CEP85L: variants seen among roughly 807,000 people sequenced by gnomAD.
CEP85L encodes centrosomal protein 85L.
CEP85L carries 60 observed loss-of-function variants against 100.3 expected under a neutral mutation model. The observed-to-expected ratio is 0.60, with a 90% CI of 0.49 to 0.74. The LOEUF (loss-of-function observed/expected upper bound fraction) is 0.74. CEP85L is among the 30% of genes least tolerant of loss of function. The probability of loss-of-function intolerance (pLI) is 0.00; values close to 1 mark genes in which losing one functional copy is unlikely to be tolerated. For synonymous variants in CEP85L, 319 were observed against 322.7 expected (o/e 0.99, Z 0.12); for missense variants, 973 against 936.2 (o/e 1.04, Z -0.51).
At chr6:118,666,297 C>T (rs1776132074) in intron 1 of CEP85L, among the ~76,000 whole-genome samples, 1 of 152,076 alleles carries the variant, frequency 6.6e-6, no homozygotes, top group African/African-American at 2.4e-5. Flanking sequence ...CTTAAGAGTC[C>T]TAGAAATCAG....
rs1383423305 is a variant in CEP85L at position 118,463,547 on chromosome 6, C to A, written c.*1858G>T. 4 of 151,962 alleles carry A rather than the reference C, an allele frequency of 2.6e-5. No individual in the cohort carries two copies. The highest frequency in any genetic ancestry group is 5.9e-5 in the Non-Finnish European group (4 of 67,922). The allele number at this position is 151,962 out of a possible 1,614,324, so 9.4% of individuals were successfully genotyped here. A position where few individuals can be genotyped will look rare whatever the true frequency, so the allele number is the denominator to read the frequency against. On this transcript the variant is annotated 3_prime_UTR_variant, in exon 13 of 13. Transcript: ENST00000368491. ...ACATTTTTGGTGGAAATTTACTATA[C>A]CCTGATTATCGTCAAGCTACTAATG...
At chr6:118,673,630 C>T (rs1279125140) in intron 1 of CEP85L, among the ~76,000 whole-genome samples, 2 of 152,168 alleles carry the variant, frequency 1.3e-5, no homozygotes, top group Admixed American at 6.5e-5. Flanking sequence ...CTTGGAATGC[C>T]GATTTATTAA....
At chr6:118,614,869 T>C (rs7761131) in intron 2 of CEP85L, among the ~76,000 whole-genome samples, 56,027 of 121,454 alleles carry the variant, frequency 0.46, 10,866 homozygotes, top group Non-Finnish European at 0.5. Flanking sequence ...GACAGACAGA[T>C]AGATAGATAG....
At chr6:118,682,238 G>A (rs1776688704) in intron 1 of CEP85L, among the ~76,000 whole-genome samples, 1 of 151,994 alleles carries the variant, frequency 6.6e-6, no homozygotes, top group African/African-American at 2.4e-5. Flanking sequence ...ATTAGTCTTA[G>A]AAAAACAATC....
At chr6:118,575,484 C>T (rs1780170096) in intron 2 of CEP85L, among the ~76,000 whole-genome samples, 1 of 152,160 alleles carries the variant, frequency 6.6e-6, no homozygotes, top group Admixed American at 6.5e-5. Flanking sequence ...GCCTGTCATC[C>T]TATATCCCCT....
At chr6:118,557,224 G>A (rs1371907939) in intron 3 of CEP85L, among the ~76,000 whole-genome samples, 1 of 152,016 alleles carries the variant, frequency 6.6e-6, no homozygotes, top group African/African-American at 2.4e-5. Flanking sequence ...TTTTATTTTA[G>A]ATTAAAATTA....
Position 118,551,067 on chromosome 6 carries a change from C to T in CEP85L, c.1020+14462G>A, listed in dbSNP as rs187823666. Among the ~76,000 whole-genome samples the T allele has an allele frequency of 5.3e-5, 8 of 151,958 alleles. No homozygotes were observed. The East Asian group carries it at 1.5e-3, about 29-fold the overall frequency. On this transcript the variant is annotated intron_variant, in intron 3 of 12. Transcript: ENST00000368491. The stretch of plus-strand genomic sequence containing the variant: ...TGCTAAAATACTCATGCCTTCAATT[C>T]ATCTGATACCTAAAATCCAAGTTAA...
At chr6:118,559,180 T>C (rs1296523798) in intron 3 of CEP85L, 2 of 878,044 alleles carry the variant, frequency 2.3e-6, no homozygotes, top group Non-Finnish European at 3.9e-6. Context: ...GACCACTTCC[T>C]GAGTAGAAGA....
intron 5 of CEP85L, among the ~76,000 whole-genome samples, chr6:118,498,060 C>T (rs1775032598): frequency 6.6e-6 from 1 of 152,124 alleles, no homozygotes. Context: ...ACTTCATTAC[C>T]TTCAGGTGGT....
At chr6:118,514,121 A>G (rs1349490572) in intron 4 of CEP85L, among the ~76,000 whole-genome samples, 1 of 152,220 alleles carries the variant, frequency 6.6e-6, no homozygotes, top group African/African-American at 2.4e-5. Context: ...CATTATAACA[A>G]TAGAGGTATA....
At chr6:118,514,193 A>G (rs1776344873) in intron 4 of CEP85L, among the ~76,000 whole-genome samples, 1 of 152,174 alleles carries the variant, frequency 6.6e-6, no homozygotes, top group African/African-American at 2.4e-5. Context: ...ATTCAAGAGA[A>G]GGCAAAGGGG....
At chr6:118,566,730 T>C (rs1312685195) in intron 2 of CEP85L, among the ~76,000 whole-genome samples, 1 of 152,168 alleles carries the variant, frequency 6.6e-6, no homozygotes, top group Non-Finnish European at 1.5e-5. Context: ...AGCACAAGCT[T>C]TTCAAAAAGA....
chr6:118,638,472 A>G (rs1774656135), intron 1 of CEP85L, among the ~76,000 whole-genome samples: 1 of 151,698 alleles, frequency 6.6e-6, no homozygotes, highest in East Asian at 1.9e-4. Flanking sequence ...GAAGAAGTAC[A>G]TGTGAAATAT....
intron 2 of CEP85L, among the ~76,000 whole-genome samples, chr6:118,585,360 C>T (rs1377100844): frequency 6.6e-6 from 1 of 152,120 alleles, no homozygotes; most frequent in East Asian, 1.9e-4. Flanking sequence ...AGTTTTTCTT[C>T]CATGAGAAAT....
upstream of CEP85L, among the ~76,000 whole-genome samples, chr6:118,654,669 G>T (rs1329811228): frequency 1.3e-5 from 2 of 152,142 alleles, no homozygotes; most frequent in African/African-American, 4.8e-5. Context: ...TATCTTAATT[G>T]GATCCCTGGC....
intron 5 of CEP85L, chr6:118,501,817 AG>A: frequency 8.2e-7 from 1 of 1,215,030 alleles, no homozygotes. Flanking sequence ...GCTGAGAGAG[AG>A]AGAGAGAGAG....
intron 2 of CEP85L, among the ~76,000 whole-genome samples, chr6:118,574,284 C>T (rs1353854525): frequency 6.6e-6 from 1 of 152,198 alleles, no homozygotes; most frequent in African/African-American, 2.4e-5. Context: ...AAGTTTAAGT[C>T]TTAGCCAGTC....
chr6:118,634,634 T>C (rs1006113146), intron 1 of CEP85L, among the ~76,000 whole-genome samples: 2 of 151,574 alleles, frequency 1.3e-5, no homozygotes, highest in Non-Finnish European at 2.9e-5. Context: ...TCAATTCAAG[T>C]GATTCAACAC....
rs1162533022 is a variant in CEP85L at position 118,612,686 on chromosome 6, GGGGGGGGA to G, written c.232+19759_232+19766del. Among the ~76,000 whole-genome samples the G allele has an allele frequency of 1.8e-4, 18 of 97,648 alleles. No homozygotes were observed. The South Asian group carries it at 3.0e-3, about 16-fold the overall frequency. The allele number at this position is 97,648 out of a possible 152,430, so 64.1% of individuals were successfully genotyped here. On this transcript the variant is annotated intron_variant, in intron 2 of 12. Transcript: ENST00000368491. The stretch of plus-strand genomic sequence containing the variant: ...AAAAAAAAAAAAAAGCGGGGGGGGG[GGGGGGGGA>G]CTCTCAAATCAGTAATCTAATCTGC...
Sources: allele counts gnomAD v4.1 joint callset (sites outside exome capture counted in the v4.1 genomes callset), GRCh38; gene constraint gnomAD v4.1.1; transcripts MANE v1.5; gene names NCBI Gene and HGNC (gene_info 2026-07-23, HGNC 2026-07-21).